THSD7A: variants seen among roughly 807,000 people sequenced by gnomAD.
THSD7A encodes the protein thrombospondin type 1 domain containing 7A.
In THSD7A, 96 loss-of-function variants were observed where a neutral mutation model predicts 231.3. That is an observed-to-expected ratio of 0.41 (90% CI 0.35 to 0.49). The LOEUF (loss-of-function observed/expected upper bound fraction) is 0.49, where lower values mean the gene tolerates loss of function less well. THSD7A is among the 20% of genes least tolerant of loss of function. The probability of loss-of-function intolerance (pLI) is 0.05; values close to 1 mark genes in which losing one functional copy is unlikely to be tolerated. For missense variants in THSD7A, 2,290 were observed against 2,070.2 expected (o/e 1.11, Z -2.06); for synonymous variants, 940 against 743.3 (o/e 1.26, Z -4.30).
rs1783156007 is a variant in THSD7A at position 11,769,443 on chromosome 7, A to G, written c.190+62314T>C. Among the ~76,000 whole-genome samples, 4 of 151,912 alleles carry G rather than the reference A, an allele frequency of 2.6e-5. No homozygotes were observed. The South Asian group carries it at 8.3e-4, about 32-fold the overall frequency. On this transcript the variant is annotated intron_variant, in intron 1 of 27. Coordinates refer to ENST00000423059, the MANE Select transcript of THSD7A (RefSeq NM_015204.3). ...TGGGACTTAAGGCAGTGAGTCTGTA[A>G]GGTCACCAGTGGGCTGCCATTTCAT...
At position 11,660,109 on chromosome 7, in the gene THSD7A, T is replaced by C. The variant is rs78463346; in HGVS notation, c.191-23148A>G. On this transcript the variant is annotated intron_variant, in intron 1 of 27. Transcript: ENST00000423059. Reference sequence around the variant, plus strand: ...GAATGGAAACACATATGCTTCTAGATGTAAAGAATTAATATAGCAAGAAAG... The same window carrying C: ...GAATGGAAACACATATGCTTCTAGACGTAAAGAATTAATATAGCAAGAAAG... Among the ~76,000 whole-genome samples the C allele has an allele frequency of 3.8e-4, 57 of 151,684 alleles. No homozygotes were observed. In the South Asian group the frequency reaches 0.011, roughly 30 times the overall value.
intron 1 of THSD7A, among the ~76,000 whole-genome samples, chr7:11,805,358 T>C (rs1467394932): frequency 6.6e-6 from 1 of 152,160 alleles, no homozygotes; most frequent in Non-Finnish European, 1.5e-5. Context: ...AAAGTATATC[T>C]ACTTGATATT....
At chr7:11,676,453 T>C (rs928371611) in intron 1 of THSD7A, among the ~76,000 whole-genome samples, 2 of 152,054 alleles carry the variant, frequency 1.3e-5, no homozygotes, top group African/African-American at 4.8e-5. Flanking sequence ...AGAAGGTGTG[T>C]TATAACAAAC....
At chr7:11,492,870 G>A (rs1786956510) in intron 6 of THSD7A, among the ~76,000 whole-genome samples, 1 of 152,054 alleles carries the variant, frequency 6.6e-6, no homozygotes, top group Admixed American at 6.6e-5. Flanking sequence ...AAGGCCTGCA[G>A]CTGAGTAAAT....
intron 1 of THSD7A, among the ~76,000 whole-genome samples, chr7:11,779,385 CT>C (rs1032912526): frequency 1.3e-5 from 2 of 152,132 alleles, no homozygotes; most frequent in Non-Finnish European, 2.9e-5. Context: ...ATTAGGTGCC[CT>C]TTCCCTTATT....
Position 11,389,421 on chromosome 7 carries a change from C to CTTTTTTTTTTTTT in THSD7A, c.4412-6818_4412-6806dup, listed in dbSNP as rs57755425. Among the ~76,000 whole-genome samples, 22 of 37,610 alleles carry CTTTTTTTTTTTTT rather than the reference C, an allele frequency of 5.8e-4. 5 individuals are homozygous for CTTTTTTTTTTTTT. Among genetic ancestry groups the CTTTTTTTTTTTTT allele is most frequent in the South Asian group, 3.7e-3 (2 of 546 alleles). The allele number at this position is 37,610 out of a possible 152,430, so 24.7% of individuals were successfully genotyped here. ...TCAGAGACTAGAATTGCAACTCCTG[C>CTTTTTTTTTTTTT]TTTTTTTTTTTTTTTTTTTTTTTTT... On this transcript the variant is annotated intron_variant, in intron 23 of 27. Transcript: ENST00000423059.
chr7:11,439,477 GTGATCTTTGCTGTTACTAT>G (rs575373829), intron 13 of THSD7A, among the ~76,000 whole-genome samples: 1 of 152,074 alleles, frequency 6.6e-6, no homozygotes, highest in South Asian at 2.1e-4. Flanking sequence ...TCTGTAATCA[GTGATCTTTGCTGTTACTAT>G]TGTAATTGTT....
At chr7:11,498,865 C>A (rs1328738504) in intron 6 of THSD7A, among the ~76,000 whole-genome samples, 1 of 152,042 alleles carries the variant, frequency 6.6e-6, no homozygotes, top group Non-Finnish European at 1.5e-5. Context: ...TGAAGCAGGC[C>A]CCAAGCATAC....
chr7:11,440,663 AAG>A (rs1784775540), intron 13 of THSD7A, among the ~76,000 whole-genome samples: 1 of 152,050 alleles, frequency 6.6e-6, no homozygotes, highest in African/African-American at 2.4e-5. Context: ...CTAGAATTAG[AAG>A]AGGAGTCTGA....
At chr7:11,742,515 A>T (rs6957349) in intron 1 of THSD7A, among the ~76,000 whole-genome samples, 36,364 of 151,730 alleles carry the variant, frequency 0.24, 6,684 homozygotes, top group African/African-American at 0.52. Context: ...GATGTGGTGA[A>T]ATAGCATGTT....
At chr7:11,752,322 G>A (rs1338749291) in intron 1 of THSD7A, among the ~76,000 whole-genome samples, 2 of 151,948 alleles carry the variant, frequency 1.3e-5, no homozygotes, top group Non-Finnish European at 2.9e-5. Flanking sequence ...GACATCAAAT[G>A]CCTTGTACAT....
At chr7:11,519,574 C>T (rs1298378655) in intron 6 of THSD7A, among the ~76,000 whole-genome samples, 1 of 152,146 alleles carries the variant, frequency 6.6e-6, no homozygotes, top group Non-Finnish European at 1.5e-5. Flanking sequence ...TAGCTTTTTA[C>T]ACTTTTAGCC....
intron 10 of THSD7A, among the ~76,000 whole-genome samples, chr7:11,461,051 T>C (rs896460973): frequency 3.9e-5 from 6 of 152,162 alleles, no homozygotes; most frequent in African/African-American, 1.2e-4. Flanking sequence ...TGCCAACAAA[T>C]GCACCAGATG....
At position 11,637,024 on chromosome 7, in the gene THSD7A, A is replaced by G; in HGVS notation, c.191-63T>C. On this transcript the variant is annotated intron_variant, in intron 1 of 27. Transcript: ENST00000423059. This position sits in a 1 kb window ranked among gnomAD's most constrained non-coding sequence, Gnocchi z 4.2. Reference sequence around the variant, plus strand: ...AGAAGAAAACTACAAGTTACTGCACATTCCAGAAAGACCTTTCAAGACCTA... The same window carrying G: ...AGAAGAAAACTACAAGTTACTGCACGTTCCAGAAAGACCTTTCAAGACCTA... 6.8e-7 allele frequency: 1 copy of G among 1,470,360 alleles called. No individual in the cohort carries two copies. The highest frequency in any genetic ancestry group is 1.3e-5 in the South Asian group (1 of 77,224). 91.1% of individuals were successfully genotyped at this position (1,470,360 alleles called of 1,614,324 possible).
chr7:11,521,567 T>C lies in THSD7A; in HGVS notation c.1822+19852A>G, dbSNP rs1415575007. ...CAGGTTAGTTACATATGTATACATG[T>C]GCCATGCTGGTGCGCTGCACCCACT... On this transcript the variant is annotated intron_variant, in intron 6 of 27. Transcript: ENST00000423059. 6.3e-5 allele frequency among the ~76,000 whole-genome samples: 9 copies of C among 143,438 alleles called. 2 individuals are homozygous for C. Among genetic ancestry groups the C allele is most frequent in the Admixed American group, 2.8e-4 (4 of 14,412 alleles). 94.1% of individuals were successfully genotyped at this position (143,438 alleles called of 152,430 possible). A position where few individuals can be genotyped will look rare whatever the true frequency, so the allele number is the denominator to read the frequency against.
chr7:11,570,227 T>G (rs895962197), intron 4 of THSD7A, among the ~76,000 whole-genome samples: 5 of 152,080 alleles, frequency 3.3e-5, no homozygotes, highest in African/African-American at 1.2e-4. Context: ...GTCATTATGT[T>G]AAGTGAAATA....
chr7:11,498,885 C>A (rs1007009917), intron 6 of THSD7A, among the ~76,000 whole-genome samples: 2 of 152,012 alleles, frequency 1.3e-5, no homozygotes, highest in African/African-American at 4.8e-5. Flanking sequence ...CAGCAGCAGC[C>A]CTATGGAAAA....
At position 11,485,538 on chromosome 7, in the gene THSD7A, T is replaced by G. The variant is rs150899310; in HGVS notation, c.1823-3556A>C. Among the ~76,000 whole-genome samples, 349 of 152,318 alleles carry G rather than the reference T, an allele frequency of 2.3e-3. 1 individual carries two copies. Among genetic ancestry groups the G allele is most frequent in the African/African-American group, 8.2e-3 (339 of 41,572 alleles). On this transcript the variant is annotated intron_variant, in intron 6 of 27. Coordinates refer to ENST00000423059, the MANE Select transcript of THSD7A (RefSeq NM_015204.3). ...TCTCACAATAACCTTTTGACATCAG[T>G]ATTACTATCTATTTTTTACTTTAAA...
At chr7:11,468,543 C>CTT (rs1562633748) in intron 9 of THSD7A, among the ~76,000 whole-genome samples, 1 of 152,078 alleles carries the variant, frequency 6.6e-6, no homozygotes, top group Non-Finnish European at 1.5e-5. Flanking sequence ...TAAAAGACTC[C>CTT]TAAATAAAAA....
Sources: allele counts gnomAD v4.1 joint callset (sites outside exome capture counted in the v4.1 genomes callset), GRCh38; gene constraint gnomAD v4.1.1; non-coding constraint Gnocchi (gnomAD v3.1); transcripts MANE v1.5; gene names NCBI Gene and HGNC (gene_info 2026-07-23, HGNC 2026-07-21).